Variants in LPP observed in about 807,000 individuals in gnomAD.
LPP encodes lipoma-preferred partner.
In LPP, 38 loss-of-function variants were observed where a neutral mutation model predicts 60.4. The observed-to-expected ratio is 0.63, with a 90% confidence interval of 0.49 to 0.83. The LOEUF is 0.83. LPP is among the 40% of genes least tolerant of loss of function. The probability of loss-of-function intolerance (pLI) is 0.00; values close to 1 mark genes in which losing one functional copy is unlikely to be tolerated. For missense variants in LPP, 902 were observed against 783.6 expected (o/e 1.15, Z -1.80); for synonymous variants, 328 against 290.8 (o/e 1.13, Z -1.30).
intron 9 of LPP, among the ~76,000 whole-genome samples, chr3:188,767,703 C>G (rs527757652): frequency 5.9e-5 from 9 of 152,046 alleles, no homozygotes; most frequent in Admixed American, 5.9e-4. Flanking sequence ...AATACATAAG[C>G]GCACTCTTGG....
intron 6 of LPP, among the ~76,000 whole-genome samples, chr3:188,592,563 T>TTTTTTTTTTTTTTTTTTTTTTGTTTTGG: frequency 1.3e-5 from 1 of 77,226 alleles, no homozygotes; most frequent in Non-Finnish European, 2.8e-5. Flanking sequence ...TTTTGTTTTT[T>TTTTTTTTTTTTTTTTTTTTTTGTTTTGG]AAATGGAGTC....
chr3:188,548,106 T>A (rs186482940), intron 6 of LPP, among the ~76,000 whole-genome samples: 3 of 152,262 alleles, frequency 2.0e-5, no homozygotes, highest in African/African-American at 7.2e-5. Flanking sequence ...TTCCTGTGGA[T>A]CAAAGCCCAG....
chr3:188,311,644 TTTC>T (rs1160742748), intron 2 of LPP, among the ~76,000 whole-genome samples: 5 of 64,194 alleles, frequency 7.8e-5, no homozygotes, highest in African/African-American at 4.1e-4. Context: ...TTCTTTTTTT[TTTC>T]TGTTTTTTTT....
At chr3:188,429,068 A>C (rs970353302) in intron 4 of LPP, among the ~76,000 whole-genome samples, 1 of 152,172 alleles carries the variant, frequency 6.6e-6, no homozygotes, top group Non-Finnish European at 1.5e-5. Flanking sequence ...GTGAGACAGC[A>C]CTAGAGTTAC....
chr3:188,238,824 A>G (rs73059613), intron 2 of LPP, among the ~76,000 whole-genome samples: 2,568 of 152,318 alleles, frequency 0.017, 65 homozygotes, highest in African/African-American at 0.056. Context: ...AAATGAGCAC[A>G]TGCTGTTGGA....
At chr3:188,429,107 C>G (rs1402070223) in intron 4 of LPP, among the ~76,000 whole-genome samples, 1 of 152,106 alleles carries the variant, frequency 6.6e-6, no homozygotes, top group Non-Finnish European at 1.5e-5. Context: ...AGCTGGAACT[C>G]TAAGCCTTTC....
At chr3:188,422,841 T>C (rs1008606058) in intron 4 of LPP, among the ~76,000 whole-genome samples, 3 of 152,052 alleles carry the variant, frequency 2.0e-5, no homozygotes, top group Non-Finnish European at 4.4e-5. Flanking sequence ...TGCGTTTCTC[T>C]TTGGTGGCCC....
rs141398556 is a variant in LPP, at chr3:188,810,963, A to G, written c.1410+50681A>G. 5.2e-3 allele frequency among the ~76,000 whole-genome samples: 794 copies of G among 152,258 alleles called. 13 individuals are homozygous for G. The highest frequency in any genetic ancestry group is 3.4e-3 in the Non-Finnish European group (234 of 68,002). ...ATGGTTAGGTTCATGACAACAAGGAATGCTTCTATGAGCACATGTCTTTTG... is the reference window on the plus strand; with the variant it reads ...ATGGTTAGGTTCATGACAACAAGGAGTGCTTCTATGAGCACATGTCTTTTG... On this transcript the variant is annotated intron_variant, in intron 9 of 11. Coordinates refer to ENST00000617246, the MANE Select transcript of LPP (RefSeq NM_001375462.1).
chr3:188,715,286 G>A (rs1200363414), intron 8 of LPP, among the ~76,000 whole-genome samples: 1 of 145,616 alleles, frequency 6.9e-6, no homozygotes, highest in Non-Finnish European at 1.5e-5. Flanking sequence ...GCTGAGGCAG[G>A]AGAATCACTT....
intron 5 of LPP, among the ~76,000 whole-genome samples, chr3:188,514,808 T>G (rs1816860568): frequency 6.6e-6 from 1 of 152,178 alleles, no homozygotes; most frequent in South Asian, 2.1e-4. Context: ...CCATCTAATC[T>G]CCTTGTCACT....
intron 3 of LPP, among the ~76,000 whole-genome samples, chr3:188,367,132 A>G (rs560079361): frequency 6.6e-6 from 1 of 152,048 alleles, no homozygotes; most frequent in East Asian, 1.9e-4. Context: ...TCCTGACCTC[A>G]TGATCCACCC....
intron 3 of LPP, among the ~76,000 whole-genome samples, chr3:188,401,990 C>T (rs377207178): frequency 6.6e-6 from 1 of 151,892 alleles, no homozygotes; most frequent in African/African-American, 2.4e-5. Context: ...GAGATCAAAC[C>T]TAGGAAAAAA....
At chr3:188,506,653 G>A (rs977563211) in intron 5 of LPP, among the ~76,000 whole-genome samples, 2 of 152,176 alleles carry the variant, frequency 1.3e-5, no homozygotes, top group South Asian at 2.1e-4. Context: ...CAGTTACTAG[G>A]AGAGCTGGTC....
intron 6 of LPP, among the ~76,000 whole-genome samples, chr3:188,553,428 G>C (rs977200369): frequency 6.6e-6 from 1 of 152,170 alleles, no homozygotes; most frequent in Non-Finnish European, 1.5e-5. Context: ...ACAGAGAGAT[G>C]CCTTGGAATG....
chr3:188,889,706 C>T lies in LPP; in HGVS notation c.*15227C>T, dbSNP rs1771050550. ...CATATAAGGAGCCCCATTACATAAG[C>T]TACGGGTGAGGTTGGAACAGCTATG... is the stretch of plus-strand genomic sequence containing the variant. On this transcript the variant is annotated 3_prime_UTR_variant, in exon 12 of 12. Coordinates refer to ENST00000617246, the MANE Select transcript of LPP (RefSeq NM_001375462.1). 1 of 221,532 alleles carries T rather than the reference C, an allele frequency of 4.5e-6. No homozygotes were observed. Among genetic ancestry groups the T allele is most frequent in the Non-Finnish European group, 9.0e-6 (1 of 110,732 alleles). The allele number at this position is 221,532 out of a possible 1,614,324, so 13.7% of individuals were successfully genotyped here. A position where few individuals can be genotyped will look rare whatever the true frequency, so the allele number is the denominator to read the frequency against.
intron 5 of LPP, among the ~76,000 whole-genome samples, chr3:188,509,628 T>TCCTC (rs1247480550): frequency 1.1e-4 from 4 of 35,328 alleles, no homozygotes; most frequent in Admixed American, 2.3e-4. Context: ...TTTGTCCCCT[T>TCCTC]CCTTCCTTCC....
chr3:188,632,867 T>A (rs1167129201), intron 7 of LPP, among the ~76,000 whole-genome samples: 1 of 152,194 alleles, frequency 6.6e-6, no homozygotes, highest in African/African-American at 2.4e-5. Context: ...TTCATTATCT[T>A]TTTTCTCATC....
intron 9 of LPP, among the ~76,000 whole-genome samples, chr3:188,864,831 A>G (rs1374683545): frequency 6.6e-6 from 1 of 152,202 alleles, no homozygotes; most frequent in Non-Finnish European, 1.5e-5. Flanking sequence ...CCAGAAAGGT[A>G]CTTGTATTTG....
At chr3:188,375,919 G>C (rs139785987) in intron 3 of LPP, among the ~76,000 whole-genome samples, 62,863 of 151,700 alleles carry the variant, frequency 0.41, 13,921 homozygotes, top group East Asian at 0.66. Context: ...TGTTCTCGTT[G>C]GTTTCAAAGA....
Sources: gnomAD v4.1 joint callset for allele counts (sites outside exome capture counted in the v4.1 genomes callset) on GRCh38, gnomAD v4.1.1 for gene constraint, MANE v1.5 for transcripts, NCBI Gene and HGNC (gene_info 2026-07-23, HGNC 2026-07-21) for gene names.